CNTN5: variants seen among roughly 807,000 people sequenced by gnomAD.
The protein encoded by CNTN5 is contactin-5.
Under a neutral mutation model 129.1 loss-of-function variants are expected in CNTN5, and 77 were observed. The observed-to-expected ratio is 0.60, with a 90% CI of 0.50 to 0.72. CNTN5 has a LOEUF of 0.72. CNTN5 is among the 30% of genes least tolerant of loss of function. The pLI, the probability that CNTN5 is intolerant of heterozygous loss-of-function variation, is 0.00. For synonymous variants in CNTN5, 509 were observed against 465.6 expected (o/e 1.09, Z -1.20); for missense variants, 1,478 against 1,328.8 (o/e 1.11, Z -1.75).
intron 3 of CNTN5, among the ~76,000 whole-genome samples, chr11:99,559,274 A>G (rs1948765065): frequency 6.6e-6 from 1 of 152,128 alleles, no homozygotes. Flanking sequence ...TTGAACCAAA[A>G]AGACTAACTG....
At chr11:99,657,962 TA>T (rs1177899171) in intron 3 of CNTN5, among the ~76,000 whole-genome samples, 1 of 152,182 alleles carries the variant, frequency 6.6e-6, no homozygotes, top group Non-Finnish European at 1.5e-5. Context: ...ACTATGTTTG[TA>T]AATGCAATTA....
intron 4 of CNTN5, among the ~76,000 whole-genome samples, chr11:99,843,984 C>T (rs760964154): frequency 9.2e-5 from 14 of 152,190 alleles, no homozygotes; most frequent in Non-Finnish European, 2.1e-4. Context: ...TGTACATTTG[C>T]TCATCATTTC....
chr11:99,616,470 G>GA (rs1950764123), intron 3 of CNTN5, among the ~76,000 whole-genome samples: 1 of 152,126 alleles, frequency 6.6e-6, no homozygotes, highest in South Asian at 2.1e-4. Flanking sequence ...CACTATGATA[G>GA]AAATTGCTAT....
intron 21 of CNTN5, among the ~76,000 whole-genome samples, chr11:100,330,934 G>T (rs560741080): frequency 2.0e-5 from 3 of 152,018 alleles, no homozygotes; most frequent in Admixed American, 1.3e-4. Flanking sequence ...AAAAAACAAG[G>T]TATTCAGGCA....
intron 1 of CNTN5, among the ~76,000 whole-genome samples, chr11:99,023,550 AT>A (rs1310380733): frequency 1.3e-5 from 2 of 152,208 alleles, no homozygotes; most frequent in Non-Finnish European, 2.9e-5. Context: ...AATAAAAATG[AT>A]GAAAACTTCT....
intron 1 of CNTN5, among the ~76,000 whole-genome samples, chr11:99,290,114 C>A (rs900045242): frequency 6.6e-6 from 1 of 151,600 alleles, no homozygotes; most frequent in African/African-American, 2.4e-5. Flanking sequence ...TTATAACCCC[C>A]CCAAAATAAA....
chr11:99,460,529 T>C (rs1290034626), intron 2 of CNTN5, among the ~76,000 whole-genome samples: 1 of 151,914 alleles, frequency 6.6e-6, no homozygotes, highest in African/African-American at 2.4e-5. Flanking sequence ...TTTTACAAAG[T>C]TTAAACTTTA....
At chr11:99,941,276 C>T (rs867878688) in intron 7 of CNTN5, among the ~76,000 whole-genome samples, 2 of 151,942 alleles carry the variant, frequency 1.3e-5, no homozygotes, top group Non-Finnish European at 2.9e-5. Context: ...AGAAAAACTT[C>T]CAGACAAATC....
At chr11:100,072,110 T>A (rs1943945101) in intron 12 of CNTN5, among the ~76,000 whole-genome samples, 1 of 152,130 alleles carries the variant, frequency 6.6e-6, no homozygotes, top group African/African-American at 2.4e-5. Flanking sequence ...CTTAAAAAAA[T>A]CATATAAAGA....
intron 2 of CNTN5, among the ~76,000 whole-genome samples, chr11:99,426,595 G>A (rs567909509): frequency 1.3e-5 from 2 of 152,158 alleles, no homozygotes; most frequent in African/African-American, 4.8e-5. Flanking sequence ...CTGACACACT[G>A]GCACAAATGC....
intron 1 of CNTN5, among the ~76,000 whole-genome samples, chr11:99,036,677 C>T (rs1863751875): frequency 6.6e-6 from 1 of 152,142 alleles, no homozygotes; most frequent in Non-Finnish European, 1.5e-5. Flanking sequence ...GATACTAATA[C>T]TCCCACTATT....
intron 1 of CNTN5, among the ~76,000 whole-genome samples, chr11:99,241,318 G>GTTTTTTTTTTTTTTTTTTTTT (rs10648459): frequency 2.8e-4 from 25 of 88,040 alleles, no homozygotes; most frequent in Non-Finnish European, 4.2e-4. Context: ...TTGATTGTTG[G>GTTTTTTTTTTTTTTTTTTTTT]TTTTTTTTTT....
chr11:99,850,721 G>T (rs917061152), intron 6 of CNTN5, among the ~76,000 whole-genome samples: 1 of 151,970 alleles, frequency 6.6e-6, no homozygotes, highest in Admixed American at 6.6e-5. Context: ...AGGTAGTACA[G>T]ACCATAAAGT....
chr11:99,212,468 T>A (rs1243756167), intron 1 of CNTN5, among the ~76,000 whole-genome samples: 1 of 152,194 alleles, frequency 6.6e-6, no homozygotes, highest in Non-Finnish European at 1.5e-5. Context: ...TCGAAGGTGC[T>A]TCTGAGCATC....
intron 2 of CNTN5, among the ~76,000 whole-genome samples, chr11:99,421,307 A>T (rs1942878782): frequency 6.6e-6 from 1 of 152,154 alleles, no homozygotes; most frequent in Non-Finnish European, 1.5e-5. Context: ...GATAACTTCT[A>T]CTAGTGAAGA....
intron 2 of CNTN5, among the ~76,000 whole-genome samples, chr11:99,450,056 C>T (rs1944235906): frequency 1.3e-5 from 2 of 151,802 alleles, no homozygotes; most frequent in East Asian, 1.9e-4. Context: ...GTCAAATTAC[C>T]AGACAGCTAG....
intron 9 of CNTN5, 118 bp downstream of exon 9, chr11:100,002,254 T>A: frequency 1.6e-6 from 1 of 607,028 alleles, no homozygotes; most frequent in South Asian, 2.8e-5. Flanking sequence ...GGTGGCTATT[T>A]ATTTTCTAAA....
chr11:100,350,059 A>G (rs1952371571), intron 23 of CNTN5, among the ~76,000 whole-genome samples: 2 of 151,894 alleles, frequency 1.3e-5, no homozygotes, highest in Admixed American at 1.3e-4. Flanking sequence ...TTGCTACACC[A>G]TGTATCCAAA....
intron 9 of CNTN5, among the ~76,000 whole-genome samples, chr11:100,052,925 C>A (rs1198301047): frequency 6.6e-6 from 1 of 151,458 alleles, no homozygotes; most frequent in South Asian, 2.1e-4. Context: ...TAAAGTCCAT[C>A]AAAAAAATGC....
Sources: allele counts gnomAD v4.1 joint callset (sites outside exome capture counted in the v4.1 genomes callset), GRCh38; gene constraint gnomAD v4.1.1; transcripts MANE v1.5; gene names NCBI Gene and HGNC (gene_info 2026-07-23, HGNC 2026-07-21).